The following FLI1 variants were observed in gnomAD, a reference collection of about 807,000 sequenced individuals.
FLI1 encodes the protein Fli-1 proto-oncogene, ETS transcription factor.
Under a neutral mutation model 53.1 loss-of-function variants are expected in FLI1, and 13 were observed. The observed-to-expected ratio is 0.24, with a 90% confidence interval of 0.16 to 0.39. The LOEUF is 0.39. Among genes scored for constraint, FLI1 ranks in the 10% least tolerant of loss-of-function variants. FLI1 has a pLI of 1.00. For synonymous variants in FLI1, 244 were observed against 236.7 expected (o/e 1.03, Z -0.28); for missense variants, 424 against 600.5 (o/e 0.71, Z 3.07).
At chr11:128,785,014 A>G (rs1942041718) in intron 5 of FLI1, among the ~76,000 whole-genome samples, 2 of 152,244 alleles carry the variant, frequency 1.3e-5, no homozygotes. Flanking sequence ...TTTGCTTTAA[A>G]ATTGTATAAT....
At chr11:128,807,134 G>T in intron 6 of FLI1, 46 bp from the exon 7 acceptor site, 2 of 1,366,492 alleles carry the variant, frequency 1.5e-6, no homozygotes, top group East Asian at 2.5e-5. Context: ...TGCTCCCCTC[G>T]GGGAGCTGGG....
intron 5 of FLI1, 187 bp from the exon 6 acceptor site, chr11:128,805,179 A>C (rs1040767227): frequency 2.1e-5 from 10 of 473,370 alleles, no homozygotes; most frequent in Non-Finnish European, 3.7e-6. Context: ...TAAGACTACA[A>C]TCTTCTGAAA....
chr11:128,705,799 C>A (rs1166960611), intron 1 of FLI1, among the ~76,000 whole-genome samples: 1 of 152,152 alleles, frequency 6.6e-6, no homozygotes, highest in Non-Finnish European at 1.5e-5. Context: ...ACAAAGAAAA[C>A]CATAGCTCCA....
intron 1 of FLI1, among the ~76,000 whole-genome samples, chr11:128,701,898 C>A (rs1938349585): frequency 6.6e-6 from 1 of 152,148 alleles, no homozygotes; most frequent in East Asian, 1.9e-4. Flanking sequence ...ATCTAACACT[C>A]CAGTAGCAGA....
In FLI1 at chr11:128,807,235, G is replaced by A; in HGVS notation, c.777G>A (p.Gln259=). The change falls in exon 7 of 9, where the codon CAG becomes CAA. Residue 259 remains glutamine, a synonymous_variant. Coordinates refer to ENST00000527786, the MANE Select transcript of FLI1 (RefSeq NM_002017.5). ...GTAAGAATACAGAGCAACGGCCCCA[G>A]CCAGGTACCTGCCCAGGATATGTAA... The part of the protein sequence containing the change: ...TISKNTEQRP[Q]PDPYQILGPT... 4 of 1,597,932 alleles carry A rather than the reference G, an allele frequency of 2.5e-6. No homozygotes were observed. The highest frequency in any genetic ancestry group is 1.1e-5 in the South Asian group (1 of 87,820).
intron 1 of FLI1, among the ~76,000 whole-genome samples, chr11:128,742,628 A>G (rs1359123741): frequency 6.6e-6 from 1 of 152,268 alleles, no homozygotes; most frequent in East Asian, 1.9e-4. Flanking sequence ...CAAGTCCTCA[A>G]TAGCCTCACA....
intron 2 of FLI1, among the ~76,000 whole-genome samples, chr11:128,759,771 A>G (rs540237514): frequency 1.3e-5 from 2 of 152,358 alleles, no homozygotes; most frequent in East Asian, 1.9e-4. Context: ...AAAAACGTCT[A>G]CTAGGCTTTG....
At chr11:128,726,311 C>T (rs1939475453) in intron 1 of FLI1, among the ~76,000 whole-genome samples, 1 of 152,132 alleles carries the variant, frequency 6.6e-6, no homozygotes, top group Admixed American at 6.5e-5. Flanking sequence ...GCCCCAGACT[C>T]CTACTCTATG....
chr11:128,691,836 A>G (rs902363700), upstream of FLI1: 4 of 152,190 alleles, frequency 2.6e-5, no homozygotes, highest in Non-Finnish European at 5.9e-5. Flanking sequence ...GACCAACAGG[A>G]GTTGGAAAGA....
Position 128,768,268 on chromosome 11 carries a change from C to T in FLI1, c.381C>T (p.Pro127=), listed in dbSNP as rs376181944. 24 of 1,613,882 alleles carry T rather than the reference C, an allele frequency of 1.5e-5. No homozygotes were observed. The highest frequency in any genetic ancestry group is 8.0e-5 in the African/African-American group (6 of 75,016). ...CCAACGAGAGGAGAGTCATCGTCCCCGCAGGTAATTCGAGAACCAGGCTGC... is the reference window on the plus strand; with the variant it reads ...CCAACGAGAGGAGAGTCATCGTCCCTGCAGGTAATTCGAGAACCAGGCTGC... ...MTTNERRVIV[P]ADPTLWTQEH... is the part of the protein sequence containing the mutation. The change falls in exon 3 of 9, where the codon CCC becomes CCT. Residue 127 remains proline (P), a synonymous_variant. Transcript: ENST00000527786.
intron 5 of FLI1, chr11:128,804,642 G>T (rs1416875216): frequency 6.6e-6 from 1 of 152,016 alleles, no homozygotes; most frequent in Non-Finnish European, 1.5e-5. Context: ...CACATTTCTG[G>T]CCTCTTCCCT....
intron 1 of FLI1, among the ~76,000 whole-genome samples, chr11:128,704,921 C>T (rs1243337314): frequency 6.6e-6 from 1 of 152,190 alleles, no homozygotes; most frequent in East Asian, 1.9e-4. Flanking sequence ...TCTATTCAAA[C>T]CTTTAAGACA....
At chr11:128,693,114 G>C (rs1937824593), upstream of FLI1, 1 of 152,708 alleles carries the variant, frequency 6.5e-6, no homozygotes, top group African/African-American at 2.4e-5. Context: ...ACTCTTGCCT[G>C]GGAGTCAGTG....
chr11:128,722,732 T>G lies in FLI1; in HGVS notation c.18+28456T>G, dbSNP rs1939304859. Among the ~76,000 whole-genome samples, 3 of 152,132 alleles carry G rather than the reference T, an allele frequency of 2.0e-5. No individual in the cohort carries two copies. The South Asian group carries it at 6.2e-4, about 32-fold the overall frequency. The stretch of plus-strand genomic sequence containing the variant: ...GCTACTCAGATGAGGTAAAGTCCCT[T>G]TGGGAAAGCACAGAGCCTGGGGAAT... On this transcript the variant is annotated intron_variant, in intron 1 of 8. Coordinates refer to ENST00000527786, the MANE Select transcript of FLI1 (RefSeq NM_002017.5).
intron 1 of FLI1, among the ~76,000 whole-genome samples, chr11:128,706,652 T>C (rs1938558041): frequency 6.6e-6 from 1 of 152,176 alleles, no homozygotes; most frequent in African/African-American, 2.4e-5. Context: ...GAGGGTGTTT[T>C]CTGGAGCAAA....
intron 1 of FLI1, among the ~76,000 whole-genome samples, chr11:128,712,699 AAAGACCCACCCCCAG>A (rs1446803262): frequency 6.6e-6 from 1 of 152,128 alleles, no homozygotes; most frequent in Admixed American, 6.5e-5. Flanking sequence ...ACAGCACAGG[AAAGACCCACCCCCAG>A]AATTCAATCA....
intron 4 of FLI1, among the ~76,000 whole-genome samples, 166 bp downstream of exon 4, chr11:128,773,151 G>T (rs1941627030): frequency 6.6e-6 from 1 of 152,112 alleles, no homozygotes; most frequent in South Asian, 2.1e-4. Flanking sequence ...ACCCTGTGAG[G>T]GGCAGACCCA....
At chr11:128,769,902 G>A (rs1392658825) in intron 3 of FLI1, among the ~76,000 whole-genome samples, 1 of 152,210 alleles carries the variant, frequency 6.6e-6, no homozygotes, top group Non-Finnish European at 1.5e-5. Context: ...AGAACTGACA[G>A]GTGGGAATCT....
intron 1 of FLI1, among the ~76,000 whole-genome samples, chr11:128,741,475 G>A (rs75441640): frequency 0.057 from 8,729 of 152,264 alleles, 826 homozygotes; most frequent in African/African-American, 0.2. Flanking sequence ...CAGCCAGTCC[G>A]GATGCAGGGG....
Sources: gnomAD v4.1 joint callset for allele counts (sites outside exome capture counted in the v4.1 genomes callset) on GRCh38, gnomAD v4.1.1 for gene constraint, MANE v1.5 for transcripts, NCBI Gene and HGNC (gene_info 2026-07-23, HGNC 2026-07-21) for gene names.